KCNMA1: variants seen among roughly 807,000 people sequenced by gnomAD.
KCNMA1 encodes Calcium-activated potassium channel subunit alpha-1.
KCNMA1 carries 29 observed loss-of-function variants against 140.0 expected under a neutral mutation model. That is an observed-to-expected ratio of 0.21 (90% CI 0.15 to 0.28). The LOEUF (loss-of-function observed/expected upper bound fraction) is 0.28. Ranked by LOEUF, KCNMA1 falls within the 10% of genes least tolerant of loss-of-function variation. The pLI is 1.00. For synonymous variants in KCNMA1, 612 were observed against 611.9 expected, an observed-to-expected ratio of 1.00 and a Z score of 0.00; for missense variants, 880 against 1,602.2, an observed-to-expected ratio of 0.55 and a Z score of 7.70.
At position 77,602,642 on chromosome 10, in the gene KCNMA1, G is replaced by A. The variant is rs2154566555; in HGVS notation, c.378+34623C>T. Among the ~76,000 whole-genome samples, 2 of 152,220 alleles carry A rather than the reference G, an allele frequency of 1.3e-5. 1 individual carries two copies. The highest frequency in any genetic ancestry group is 6.8e-3 in the Middle Eastern group (2 of 294). The stretch of plus-strand genomic sequence containing the variant: ...TAGGAGGTGCTTCCCTGCCCCACAA[G>A]CTGTCTGTCATTTGTCACCTGGGCA... On this transcript the variant is annotated intron_variant, in intron 1 of 27. Coordinates refer to ENST00000286628, the MANE Select transcript of KCNMA1 (RefSeq NM_001161352.2).
chr10:77,315,054 G>A (rs2154348513), intron 2 of KCNMA1, among the ~76,000 whole-genome samples: 1 of 152,096 alleles, frequency 6.6e-6, no homozygotes, highest in South Asian at 2.1e-4. Flanking sequence ...TGTTGGTGAT[G>A]ACCCATTAAA....
intron 2 of KCNMA1, among the ~76,000 whole-genome samples, chr10:77,268,510 G>C (rs767047896): frequency 1.3e-5 from 2 of 152,112 alleles, no homozygotes; most frequent in Non-Finnish European, 2.9e-5. Flanking sequence ...CTGCTCTACT[G>C]TGATTGAGTT....
intron 23 of KCNMA1, among the ~76,000 whole-genome samples, chr10:76,922,200 CGA>C (rs1190835620): frequency 3.3e-5 from 5 of 152,278 alleles, no homozygotes; most frequent in Non-Finnish European, 7.3e-5. Flanking sequence ...GCTAGAAACA[CGA>C]GAGTTTTCAA....
downstream of KCNMA1, among the ~76,000 whole-genome samples, chr10:76,883,546 C>T (rs1382172292): frequency 1.3e-5 from 2 of 152,162 alleles, no homozygotes; most frequent in Non-Finnish European, 2.9e-5. Context: ...CTTCACCGTG[C>T]CTTCTGGTTT....
chr10:77,551,086 C>A (rs2062729109), intron 1 of KCNMA1, among the ~76,000 whole-genome samples: 1 of 152,194 alleles, frequency 6.6e-6, no homozygotes, highest in South Asian at 2.1e-4. Context: ...CCCACCTCAT[C>A]CTCCCGAGTA....
chr10:77,007,876 A>G lies in KCNMA1; in HGVS notation c.2092+4091T>C, dbSNP rs780243275. ...TAAAAGTCCTGAGACAAGGCCTTCAAGAGAAACACACTGTTGTCAAGGTCT... is the reference window on the plus strand; with the variant it reads ...TAAAAGTCCTGAGACAAGGCCTTCAGGAGAAACACACTGTTGTCAAGGTCT... On this transcript the variant is annotated intron_variant, in intron 18 of 27. Transcript: ENST00000286628. 7.8e-4 allele frequency among the ~76,000 whole-genome samples: 119 copies of G among 152,060 alleles called. 2 individuals are homozygous for G. The highest frequency in any genetic ancestry group is 1.2e-3 in the Non-Finnish European group (83 of 67,978).
intron 21 of KCNMA1, among the ~76,000 whole-genome samples, chr10:76,952,318 A>G (rs144213503): frequency 4.7e-4 from 72 of 152,310 alleles, no homozygotes; most frequent in Non-Finnish European, 9.0e-4. Context: ...CAAGAAATCG[A>G]GACCATCCTG....
intron 25 of KCNMA1, among the ~76,000 whole-genome samples, chr10:76,894,114 G>T (rs185629663): frequency 6.6e-6 from 1 of 152,144 alleles, no homozygotes; most frequent in African/African-American, 2.4e-5. Context: ...AGATAGTAAT[G>T]GCATAGGATA....
chr10:77,397,222 C>T (rs989433961), intron 2 of KCNMA1, among the ~76,000 whole-genome samples: 14 of 152,158 alleles, frequency 9.2e-5, no homozygotes, highest in African/African-American at 3.4e-4. Context: ...TGCTACTCGA[C>T]CTTAGAGAAT....
At chr10:77,174,456 GA>G (rs1307415064) in intron 5 of KCNMA1, among the ~76,000 whole-genome samples, 1 of 152,184 alleles carries the variant, frequency 6.6e-6, no homozygotes, top group Non-Finnish European at 1.5e-5. Flanking sequence ...AACTGTCTAT[GA>G]TGATGGAATG....
At chr10:77,530,237 C>T (rs1442656860) in intron 1 of KCNMA1, among the ~76,000 whole-genome samples, 1 of 152,194 alleles carries the variant, frequency 6.6e-6, no homozygotes, top group Non-Finnish European at 1.5e-5. Context: ...AACAATGATG[C>T]TATTGACCAG....
At chr10:77,062,477 C>T (rs1291309980) in intron 14 of KCNMA1, among the ~76,000 whole-genome samples, 1 of 152,186 alleles carries the variant, frequency 6.6e-6, no homozygotes, top group Non-Finnish European at 1.5e-5. Context: ...CTACTGCTTC[C>T]TTCTTTCAAA....
At chr10:77,030,008 G>T (rs1183011856) in intron 15 of KCNMA1, among the ~76,000 whole-genome samples, 4 of 152,186 alleles carry the variant, frequency 2.6e-5, no homozygotes, top group Non-Finnish European at 5.9e-5. Context: ...GCTGGATAGG[G>T]GGATGTGTTG....
chr10:76,941,100 A>G (rs192986968), intron 23 of KCNMA1, among the ~76,000 whole-genome samples: 1,692 of 93,680 alleles, frequency 0.018, 35 homozygotes, highest in African/African-American at 0.061. Flanking sequence ...AGAAAGAAAG[A>G]AGGGAGGGAG....
intron 1 of KCNMA1, among the ~76,000 whole-genome samples, chr10:77,477,081 A>G (rs1173167936): frequency 6.6e-6 from 1 of 152,236 alleles, no homozygotes; most frequent in Non-Finnish European, 1.5e-5. Flanking sequence ...TCTTAGCTGC[A>G]TGACTTGCCT....
chr10:77,513,861 G>C (rs556886632), intron 1 of KCNMA1, among the ~76,000 whole-genome samples: 42 of 152,302 alleles, frequency 2.8e-4, no homozygotes, highest in African/African-American at 9.9e-4. Context: ...CCTGGGAGGA[G>C]GATCCTGGCC....
At chr10:77,243,273 G>A (rs2057745632) in intron 3 of KCNMA1, among the ~76,000 whole-genome samples, 1 of 152,208 alleles carries the variant, frequency 6.6e-6, no homozygotes, top group Non-Finnish European at 1.5e-5. Flanking sequence ...ACTGTTCTGA[G>A]CTATAACATT....
At chr10:77,632,900 T>C (rs2093359335) in intron 1 of KCNMA1, among the ~76,000 whole-genome samples, 1 of 152,132 alleles carries the variant, frequency 6.6e-6, no homozygotes, top group African/African-American at 2.4e-5. Flanking sequence ...TTGGTATAGG[T>C]GATGTAACCA....
intron 5 of KCNMA1, among the ~76,000 whole-genome samples, chr10:77,161,443 C>G (rs910800293): frequency 6.6e-6 from 1 of 152,016 alleles, no homozygotes; most frequent in Non-Finnish European, 1.5e-5. Context: ...TGGGGTCTCA[C>G]TATGTTGCCC....
Sources: allele counts gnomAD v4.1 joint callset (sites outside exome capture counted in the v4.1 genomes callset), GRCh38; gene constraint gnomAD v4.1.1; transcripts MANE v1.5; gene names NCBI Gene and HGNC (gene_info 2026-07-23, HGNC 2026-07-21).